The following FRMD1 variants were observed in gnomAD, a reference collection of about 807,000 sequenced individuals.
FRMD1 encodes FERM domain-containing protein 1.
Under a neutral mutation model 54.9 loss-of-function variants are expected in FRMD1, and 51 were observed. The ratio of observed to expected loss-of-function variants is 0.93; its 90% CI spans 0.74 to 1.17. The LOEUF is 1.17. Among genes scored for constraint, FRMD1 ranks in the 50% most tolerant of loss-of-function variants. The pLI, the probability that FRMD1 is intolerant of heterozygous loss-of-function variation, is 0.00. For synonymous variants in FRMD1, 324 were observed against 306.4 expected, an observed-to-expected ratio of 1.06 and a Z score of -0.60; for missense variants, 729 against 743.0, an observed-to-expected ratio of 0.98 and a Z score of 0.22.
rs555440923 is a variant in FRMD1 at position 168,065,056 on chromosome 6, C to T, written c.463G>A (p.Asp155Asn). 5.9e-5 allele frequency: 94 copies of T among 1,597,526 alleles called. No individual in the cohort carries two copies. The East Asian group carries it at 8.8e-4, about 15-fold the overall frequency. Residue 155 changes from aspartate (D) to asparagine (N), a missense_variant and splice_region_variant, in exon 5 of 11, where the codon GAC becomes AAC. Transcript: ENST00000283309. ...HYVENGRVIS[D>N]HRARHLYYCH... is the part of the protein sequence containing the mutation. ...TAGTACAGGTGCCGTGCCCTGTGGTCGCTGGAAGGTGGCAGGGAGTGAGTT... is the reference window on the plus strand; with the variant it reads ...TAGTACAGGTGCCGTGCCCTGTGGTTGCTGGAAGGTGGCAGGGAGTGAGTT...
At chr6:168,077,288 G>GT (rs918557657) in intron 1 of FRMD1, among the ~76,000 whole-genome samples, 2 of 151,108 alleles carry the variant, frequency 1.3e-5, no homozygotes, top group African/African-American at 2.4e-5. Context: ...CGATGGGGGG[G>GT]GGTTCTTGTC....
intron 1 of FRMD1, among the ~76,000 whole-genome samples, chr6:168,076,688 C>T (rs897358664): frequency 1.3e-5 from 2 of 152,222 alleles, no homozygotes; most frequent in African/African-American, 4.8e-5. Flanking sequence ...TTATAAATTA[C>T]CAAGTCTTGG....
upstream of FRMD1, among the ~76,000 whole-genome samples, chr6:168,080,366 T>C (rs1412993754): frequency 6.6e-6 from 1 of 151,114 alleles, no homozygotes; most frequent in Non-Finnish European, 1.5e-5. Flanking sequence ...CTCTTTTCTC[T>C]CCACAGCAAA....
At chr6:168,066,870 G>A in intron 3 of FRMD1, 39 bp from the exon 4 acceptor site, 1 of 1,605,918 alleles carries the variant, frequency 6.2e-7, no homozygotes, top group South Asian at 1.1e-5. Context: ...GTGAGCCGCA[G>A]GGAGGTGCCG....
At chr6:168,090,334 G>A (rs115511265) in intron 1 of FRMD1, among the ~76,000 whole-genome samples, 9,367 of 152,228 alleles carry the variant, frequency 0.062, 322 homozygotes, top group Non-Finnish European at 0.073. Context: ...AGAGGCCTGA[G>A]AACCACCACA....
chr6:168,079,107 C>A lies in FRMD1; in HGVS notation c.-13G>T. ...GGGGCACCGCCATGCTGTCGTTACT[C>A]GGCCCTCCCCCGCCATGGGTCGCAG... On this transcript the variant is annotated 5_prime_UTR_variant, in exon 1 of 11. Transcript: ENST00000283309. 1 of 1,582,232 alleles carries A rather than the reference C, an allele frequency of 6.3e-7. No individual in the cohort carries two copies. Among genetic ancestry groups the A allele is most frequent in the Non-Finnish European group, 8.6e-7 (1 of 1,167,758 alleles).
rs1446786832 is a variant in FRMD1, at chr6:168,055,375, G to C, written c.*1722C>G. 1.3e-5 allele frequency: 2 copies of C among 152,648 alleles called. No homozygotes were observed. Among genetic ancestry groups the C allele is most frequent in the African/African-American group, 4.8e-5 (2 of 41,442 alleles). 9.5% of individuals were successfully genotyped at this position (152,648 alleles called of 1,614,324 possible). On this transcript the variant is annotated 3_prime_UTR_variant, in exon 11 of 11. Transcript: ENST00000283309. ...TGTGCAGATGTGTGCGTGTGTGCAT[G>C]TATGTGTGTGCATGCATGTGGATGT...
chr6:168,067,311 G>A (rs1800089669), intron 3 of FRMD1, 56 bp downstream of exon 3: 2 of 1,162,404 alleles, frequency 1.7e-6, no homozygotes, highest in South Asian at 2.8e-5. Flanking sequence ...TGTCCCCGTG[G>A]CCCAGCACAG....
chr6:168,078,579 CCTGCTCACCCCCACGGCT>C (rs1280067577), intron 1 of FRMD1, among the ~76,000 whole-genome samples: 8 of 139,252 alleles, frequency 5.7e-5, no homozygotes, highest in East Asian at 2.2e-4. Flanking sequence ...CCCTCACAGC[CCTGCTCACCCCCACGGCT>C]CTGCTCACCC....
intron 5 of FRMD1, among the ~76,000 whole-genome samples, chr6:168,064,434 G>T (rs1799920648): frequency 6.6e-6 from 1 of 152,200 alleles, no homozygotes; most frequent in Non-Finnish European, 1.5e-5. Flanking sequence ...CTCCTCCCAG[G>T]GGGATGCCAC....
At chr6:168,065,997 G>T in intron 4 of FRMD1, 3 of 1,000,168 alleles carry the variant, frequency 3.0e-6, no homozygotes, top group Non-Finnish European at 3.6e-6. Context: ...AGCAGCCCCC[G>T]TTGGTTTAGA....
In FRMD1 at chr6:168,059,510, C is replaced by A. The variant is rs968940181; in HGVS notation, c.1343-322G>T. 5.9e-5 allele frequency among the ~76,000 whole-genome samples: 9 copies of A among 152,322 alleles called. No homozygotes were observed. Among genetic ancestry groups the A allele is most frequent in the Middle Eastern group, 3.4e-3 (1 of 294 alleles). ...GACACTCCAAGGGCAATGGCGGACA[C>A]AGTGGCTTAGTGACAGGAATGCCTG... On this transcript the variant is annotated intron_variant, in intron 9 of 10. Transcript: ENST00000283309. The surrounding 1 kb of genome is among the most constrained non-coding windows in gnomAD (Gnocchi z 4.4).
intron 1 of FRMD1, 97 bp from the exon 2 acceptor site, chr6:168,075,432 G>T: frequency 2.1e-6 from 2 of 932,392 alleles, no homozygotes; most frequent in Non-Finnish European, 3.4e-6. Flanking sequence ...CCAGGTGGAC[G>T]ACCCAGTCAG....
rs533290722 is a variant in FRMD1 at position 168,061,043 on chromosome 6, G to A, written c.1060C>T (p.Arg354Trp). The A allele has an allele frequency of 1.9e-5, 30 of 1,608,638 alleles. No individual in the cohort carries two copies. The highest frequency in any genetic ancestry group is 4.0e-5 in the African/African-American group (3 of 74,844). ...AGCTCATCGCTGATATAGGACTCCC[G>A]GTAGTGCTGCTTCTCTGTGGGGAGT... ...REEAEEKQHYRESYISDELEL... is the reference protein window; with the variant it reads ...REEAEEKQHYWESYISDELEL... The change falls in exon 9 of 11, where the codon CGG (arginine) becomes TGG (tryptophan). Residue 354 changes from arginine (R) to tryptophan (W), a missense_variant. Transcript: ENST00000283309.
intron 3 of FRMD1, chr6:168,067,087 C>T (rs1239457457): frequency 2.8e-6 from 2 of 707,796 alleles, no homozygotes; most frequent in South Asian, 3.0e-5. Context: ...AGCCTCAGGG[C>T]TCACCACAGT....
At chr6:168,061,189 A>G in intron 8 of FRMD1, 132 bp from the exon 9 acceptor site, 1 of 882,510 alleles carries the variant, frequency 1.1e-6, no homozygotes, top group East Asian at 2.7e-5. Context: ...CAGGGAGACC[A>G]GGCCTGCGGG....
At chr6:168,062,350 G>GT (rs1799790604) in intron 7 of FRMD1, among the ~76,000 whole-genome samples, 1 of 152,238 alleles carries the variant, frequency 6.6e-6, no homozygotes, top group East Asian at 1.9e-4. Flanking sequence ...ACAGCTCTGG[G>GT]GCCGGGATGA....
At chr6:168,091,728 G>A (rs775234127) in intron 1 of FRMD1, among the ~76,000 whole-genome samples, 1 of 152,230 alleles carries the variant, frequency 6.6e-6, no homozygotes, top group Non-Finnish European at 1.5e-5. Context: ...CCCACGGGCT[G>A]GAACCGAATC....
intron 4 of FRMD1, 189 bp downstream of exon 4, chr6:168,066,566 G>C (rs889742231): frequency 7.1e-7 from 1 of 1,406,122 alleles, no homozygotes; most frequent in African/African-American, 1.5e-5. Flanking sequence ...GACACAGTCT[G>C]TATACCTTTC....
Sources: gnomAD v4.1 joint callset for allele counts (sites outside exome capture counted in the v4.1 genomes callset) on GRCh38, gnomAD v4.1.1 for gene constraint, Gnocchi (gnomAD v3.1) non-coding constraint, MANE v1.5 for transcripts, NCBI Gene and HGNC (gene_info 2026-07-23, HGNC 2026-07-21) for gene names.